The following DHX37 variants were observed in gnomAD, a reference collection of about 807,000 sequenced individuals.
DHX37 encodes DEAH-box helicase 37, also known as probable ATP-dependent RNA helicase DHX37.
In DHX37, 52 loss-of-function variants were observed where a neutral mutation model predicts 134.3. That is an observed-to-expected ratio of 0.39 (90% CI 0.31 to 0.49). The LOEUF (loss-of-function observed/expected upper bound fraction) is 0.49, where lower values mean the gene tolerates loss of function less well. Among genes scored for constraint, DHX37 ranks in the 20% least tolerant of loss-of-function variants. The pLI, the probability that DHX37 is intolerant of heterozygous loss-of-function variation, is 0.93. For missense variants in DHX37, 1,344 were observed against 1,580.8 expected, an observed-to-expected ratio of 0.85 and a Z score of 2.54; for synonymous variants, 634 against 670.7, an observed-to-expected ratio of 0.95 and a Z score of 0.85.
At position 124,968,872 on chromosome 12, in the gene DHX37, T is replaced by C. The variant is rs772541446; in HGVS notation, c.1288A>G (p.Ile430Val). Residue 430 changes from isoleucine (I) to valine (V), a missense_variant, in exon 9 of 27, where the codon ATC becomes GTC. Transcript: ENST00000308736. Reference protein sequence around the residue: ...PRLFAKPPPVIKVESRQFPVT... With the variant: ...PRLFAKPPPVVKVESRQFPVT... ...GACATGGGACCCTGTGTTACCTTGATGACCGGCGGCGGCTTGGCGAAGAGC... is the reference window on the plus strand; with the variant it reads ...GACATGGGACCCTGTGTTACCTTGACGACCGGCGGCGGCTTGGCGAAGAGC... 2 of 1,613,992 alleles carry C rather than the reference T, an allele frequency of 1.2e-6. No individual in the cohort carries two copies. Among genetic ancestry groups the C allele is most frequent in the African/African-American group, 1.3e-5 (1 of 74,934 alleles).
Position 124,988,963 on chromosome 12 carries a change from G to A in DHX37, c.60C>T (p.Pro20=), listed in dbSNP as rs1267363666. The A allele has an allele frequency of 1.0e-5, 14 of 1,345,576 alleles. No individual in the cohort carries two copies. Among genetic ancestry groups the A allele is most frequent in the South Asian group, 4.7e-5 (2 of 42,964 alleles). 83.4% of individuals were successfully genotyped at this position (1,345,576 alleles called of 1,614,324 possible). A position where few individuals can be genotyped will look rare whatever the true frequency, so the allele number is the denominator to read the frequency against. The change falls in exon 1 of 27, where the codon CCC becomes CCT. Residue 20 remains proline, a synonymous_variant. Transcript: ENST00000308736. ...GGGGCGGCTCGGGGGGGCCCTTCGA[G>A]GGTCCGGGGCCCGCCTGCTGGCGCC... The part of the protein sequence containing the change: ...IKGRQQAGPG[P]SKGPPEPPPV...
chr12:124,969,307 T>C (rs1346982509), intron 8 of DHX37, among the ~76,000 whole-genome samples: 1 of 152,102 alleles, frequency 6.6e-6, no homozygotes, highest in Non-Finnish European at 1.5e-5. Flanking sequence ...TGCCTGATTC[T>C]CTGGGGTCTG....
chr12:124,954,631 T>G (rs1467175457), intron 18 of DHX37, among the ~76,000 whole-genome samples: 2 of 152,040 alleles, frequency 1.3e-5, no homozygotes, highest in African/African-American at 2.4e-5. Flanking sequence ...ATCTCCTGAC[T>G]TCGTGATCCG....
intron 16 of DHX37, among the ~76,000 whole-genome samples, chr12:124,959,904 C>T (rs965108441): frequency 2.0e-5 from 3 of 152,168 alleles, no homozygotes; most frequent in East Asian, 1.9e-4. Context: ...CAGCACGCAG[C>T]GTGGCACGGG....
At chr12:124,961,257 C>T (rs1199556267) in intron 15 of DHX37, among the ~76,000 whole-genome samples, 1 of 83,780 alleles carries the variant, frequency 1.2e-5, no homozygotes, top group African/African-American at 7.7e-5. Flanking sequence ...TGCACGCACG[C>T]ACACACATAC....
intron 6 of DHX37, among the ~76,000 whole-genome samples, chr12:124,975,078 G>T (rs1440458168): frequency 1.3e-5 from 2 of 152,180 alleles, no homozygotes; most frequent in African/African-American, 4.8e-5. Context: ...ACCCGGCCAA[G>T]ATTTTGTACT....
At position 124,949,112 on chromosome 12, in the gene DHX37, G is replaced by T. The variant is rs1161158589; in HGVS notation, c.3290+874C>A. Among the ~76,000 whole-genome samples the T allele has an allele frequency of 6.6e-6, 1 of 152,194 alleles. No individual in the cohort carries two copies. Among genetic ancestry groups the T allele is most frequent in the Non-Finnish European group, 1.5e-5 (1 of 68,030 alleles). ...CGAGGCCTCACTCATGTCCTGCTCT[G>T]TCCCTCTGGGGCCGAGCAACGCTGC... On this transcript the variant is annotated intron_variant, in intron 25 of 26. Coordinates refer to ENST00000308736, the MANE Select transcript of DHX37 (RefSeq NM_032656.4). The surrounding 1 kb of genome is among the most constrained non-coding windows in gnomAD (Gnocchi z 4.0).
chr12:124,971,350 C>T lies in DHX37; in HGVS notation c.1143G>A (p.Thr381=). Residue 381 remains threonine (T), a synonymous_variant, in exon 8 of 27, where the codon ACG becomes ACA. Transcript: ENST00000308736. ...GGGACAGGAGGCCGATGAGGATGTC[C>T]GTGTACACGCTCCTCTCGTGGGCCT... is the stretch of plus-strand genomic sequence containing the variant. ...IDEAHERSVY[T]DILIGLLSRI... The T allele has an allele frequency of 1.2e-6, 2 of 1,613,396 alleles. No homozygotes were observed. The highest frequency in any genetic ancestry group is 1.7e-5 in the Admixed American group (1 of 60,014).
chr12:124,961,856 T>C (rs1221990690), intron 15 of DHX37, among the ~76,000 whole-genome samples: 1 of 152,060 alleles, frequency 6.6e-6, no homozygotes, highest in African/African-American at 2.4e-5. Flanking sequence ...AGGCCTTCAT[T>C]AGTCATTAGG....
intron 16 of DHX37, 119 bp downstream of exon 16, chr12:124,960,193 T>C (rs1954204258): frequency 6.7e-7 from 1 of 1,484,198 alleles, no homozygotes; most frequent in African/African-American, 1.4e-5. Flanking sequence ...TGATGCACTG[T>C]TGTGTAAGCA....
intron 17 of DHX37, 37 bp downstream of exon 17, chr12:124,956,992 C>T (rs781523479): frequency 3.4e-5 from 52 of 1,525,440 alleles, no homozygotes; most frequent in African/African-American, 5.7e-5. Flanking sequence ...GGGCCCTGAA[C>T]GGGGCAGGAA....
chr12:124,976,444 G>A (rs1210466809), intron 5 of DHX37, among the ~76,000 whole-genome samples: 1 of 152,214 alleles, frequency 6.6e-6, no homozygotes, highest in African/African-American at 2.4e-5. Flanking sequence ...GGGCGGGGTG[G>A]CTCACGCCTG....
chr12:124,958,476 T>C (rs920676427), intron 16 of DHX37, among the ~76,000 whole-genome samples: 1 of 152,194 alleles, frequency 6.6e-6, no homozygotes, highest in African/African-American at 2.4e-5. Context: ...TTTATCCACG[T>C]GACCCACAGT....
chr12:124,961,254 ACG>A (rs766058491), intron 15 of DHX37, among the ~76,000 whole-genome samples: 8,543 of 129,702 alleles, frequency 0.066, 853 homozygotes, highest in African/African-American at 0.23. Flanking sequence ...GCGTGCACGC[ACG>A]CACACACATA....
rs190498156 is a variant in DHX37 at position 124,961,709 on chromosome 12, G to A, written c.2046-1286C>T. 8.5e-5 allele frequency among the ~76,000 whole-genome samples: 13 copies of A among 152,314 alleles called. No homozygotes were observed. The East Asian group carries it at 2.5e-3, about 29-fold the overall frequency. On this transcript the variant is annotated intron_variant, in intron 15 of 26. Coordinates refer to ENST00000308736, the MANE Select transcript of DHX37 (RefSeq NM_032656.4). ...CCCAAAGTGCTGGGATTACAGGCGT[G>A]AGCCATGGCGCCTGGCCTAAAGAAC...
At position 124,954,108 on chromosome 12, in the gene DHX37, C is replaced by T. The variant is rs1337899825; in HGVS notation, c.2557G>A (p.Gly853Ser). Residue 853 changes from glycine to serine, a missense_variant, in exon 19 of 27, where the codon GGC (glycine) becomes AGC (serine). Coordinates refer to ENST00000308736, the MANE Select transcript of DHX37 (RefSeq NM_032656.4). ...WAGQGASLKL[G>S]DLMVLLGAVG... ...AAACCCAGCAGCACCATGAGGTCGC[C>T]GAGCTTCAGAGAAGCCCCCTGCCCT... 4.3e-6 allele frequency: 7 copies of T among 1,610,072 alleles called. No individual in the cohort carries two copies. Among genetic ancestry groups the T allele is most frequent in the Non-Finnish European group, 5.9e-6 (7 of 1,177,812 alleles).
intron 21 of DHX37, among the ~76,000 whole-genome samples, chr12:124,951,447 GA>G (rs1953975953): frequency 6.6e-6 from 1 of 152,210 alleles, no homozygotes; most frequent in Non-Finnish European, 1.5e-5. Flanking sequence ...GCAGGATCAT[GA>G]AAACGGGGGT....
At chr12:124,979,080 G>A (rs1251850000) in intron 4 of DHX37, among the ~76,000 whole-genome samples, 1 of 152,056 alleles carries the variant, frequency 6.6e-6, no homozygotes, top group African/African-American at 2.4e-5. Flanking sequence ...GGCTAGTCAT[G>A]TGCTCATGCC....
Position 124,986,201 on chromosome 12 carries a change from C to T in DHX37, c.171G>A (p.Lys57=). The T allele has an allele frequency of 6.2e-7, 1 of 1,614,160 alleles. No individual in the cohort carries two copies. The highest frequency in any genetic ancestry group is 8.5e-7 in the Non-Finnish European group (1 of 1,180,030). Residue 57 remains lysine, a synonymous_variant, in exon 2 of 27, where the codon AAG becomes AAA. Transcript: ENST00000308736. ...NALVLPGKKK[K]KTKAPPLSKK... ...TCGACAGGGGAGGGGCTTTGGTCTTCTTTTTCTTCTTCCCCGGTAGAACGA... is the reference window on the plus strand; with the variant it reads ...TCGACAGGGGAGGGGCTTTGGTCTTTTTTTTCTTCTTCCCCGGTAGAACGA...
Sources: gnomAD v4.1 joint callset for allele counts (sites outside exome capture counted in the v4.1 genomes callset) on GRCh38, gnomAD v4.1.1 for gene constraint, Gnocchi (gnomAD v3.1) non-coding constraint, MANE v1.5 for transcripts, NCBI Gene and HGNC (gene_info 2026-07-23, HGNC 2026-07-21) for gene names.